The following SLC4A4 variants were observed in gnomAD, a reference collection of about 807,000 sequenced individuals.
SLC4A4 encodes solute carrier family 4 member 4.
Under a neutral mutation model 111.5 loss-of-function variants are expected in SLC4A4, and 27 were observed. That is an observed-to-expected ratio of 0.24 (90% CI 0.18 to 0.33). SLC4A4 has a LOEUF of 0.33. SLC4A4 is among the 10% of genes least tolerant of loss of function. The pLI is 1.00. For missense variants in SLC4A4, 909 were observed against 1,315.5 expected (o/e 0.69, Z 4.78); for synonymous variants, 443 against 463.4 (o/e 0.96, Z 0.57).
chr4:71,418,416 T>G (rs1315165262), intron 7 of SLC4A4, among the ~76,000 whole-genome samples: 1 of 152,226 alleles, frequency 6.6e-6, no homozygotes, highest in African/African-American at 2.4e-5. Context: ...CTTGTCTTAT[T>G]TAATGATTTT....
chr4:71,180,437 T>G (rs1234365167), intron 2 of SLC4A4, among the ~76,000 whole-genome samples: 1 of 152,126 alleles, frequency 6.6e-6, no homozygotes, highest in Non-Finnish European at 1.5e-5. Context: ...GGAGAAAATT[T>G]TTGCAACCCA....
intron 2 of SLC4A4, among the ~76,000 whole-genome samples, chr4:71,116,681 C>G (rs755856317): frequency 6.6e-6 from 1 of 152,162 alleles, no homozygotes; most frequent in African/African-American, 2.4e-5. Flanking sequence ...TGGTGGCTCA[C>G]GCCTGTAATC....
chr4:71,146,555 G>T (rs1412613346), intron 2 of SLC4A4, among the ~76,000 whole-genome samples: 1 of 152,176 alleles, frequency 6.6e-6, no homozygotes, highest in Non-Finnish European at 1.5e-5. Flanking sequence ...GGGTGTTAAA[G>T]TCTCCCATTA....
intron 18 of SLC4A4, among the ~76,000 whole-genome samples, chr4:71,536,486 A>ATATATATATATATG (rs199681803): frequency 1.6e-3 from 108 of 67,982 alleles, no homozygotes; most frequent in Non-Finnish European, 2.6e-3. Context: ...ATATATATAT[A>ATATATATATATATG]TGTATATATT....
rs570747814 is a variant in SLC4A4, at chr4:71,258,357, C to G, written c.253+2958C>G. On this transcript the variant is annotated intron_variant, in intron 3 of 25. Coordinates refer to ENST00000264485, the MANE Select transcript of SLC4A4 (RefSeq NM_001098484.3). ...TTCAGAGAGTCCTTTCCTTACTACTCTCTCTAGTGCAGATTCCCCTTCATT... is the reference window on the plus strand; with the variant it reads ...TTCAGAGAGTCCTTTCCTTACTACTGTCTCTAGTGCAGATTCCCCTTCATT... Among the ~76,000 whole-genome samples the G allele has an allele frequency of 1.6e-4, 25 of 152,320 alleles. No individual in the cohort carries two copies. In the South Asian group the frequency reaches 5.2e-3, roughly 32 times the overall value.
At chr4:71,503,390 T>C (rs1232725646) in intron 16 of SLC4A4, among the ~76,000 whole-genome samples, 2 of 152,122 alleles carry the variant, frequency 1.3e-5, no homozygotes, top group African/African-American at 2.4e-5. Flanking sequence ...CTTCATTCTT[T>C]TCTTCCTCTC....
intron 7 of SLC4A4, among the ~76,000 whole-genome samples, chr4:71,412,452 G>C (rs1721444314): frequency 6.6e-6 from 1 of 152,178 alleles, no homozygotes; most frequent in South Asian, 2.1e-4. Context: ...TTTTGCTCCA[G>C]ATATAAAATT....
chr4:71,376,417 A>T (rs1732400640), intron 6 of SLC4A4, among the ~76,000 whole-genome samples: 1 of 150,128 alleles, frequency 6.7e-6, no homozygotes, highest in Non-Finnish European at 1.5e-5. Context: ...GTTAGCCAGG[A>T]TGGTCTTGAT....
intron 7 of SLC4A4, among the ~76,000 whole-genome samples, chr4:71,406,670 G>A (rs984867077): frequency 7.4e-6 from 1 of 135,682 alleles, no homozygotes; most frequent in East Asian, 2.1e-4. Flanking sequence ...TTGCCACCAT[G>A]TTAAAAGGAC....
intron 2 of SLC4A4, among the ~76,000 whole-genome samples, chr4:71,169,413 T>C (rs1744877651): frequency 6.6e-6 from 1 of 152,150 alleles, no homozygotes; most frequent in African/African-American, 2.4e-5. Context: ...TGAGCCGATA[T>C]CTCACTGTGG....
intron 2 of SLC4A4, among the ~76,000 whole-genome samples, chr4:71,093,521 T>C (rs556568176): frequency 6.6e-6 from 1 of 152,302 alleles, no homozygotes; most frequent in East Asian, 1.9e-4. Flanking sequence ...AAATCATAAA[T>C]AGTTAGGGAT....
intron 1 of SLC4A4, among the ~76,000 whole-genome samples, chr4:71,063,163 G>T (rs1260524449): frequency 1.3e-5 from 2 of 152,092 alleles, no homozygotes; most frequent in Admixed American, 1.3e-4. Flanking sequence ...ATAGAGAAAT[G>T]GAATTTTCTA....
intron 2 of SLC4A4, among the ~76,000 whole-genome samples, chr4:71,113,946 A>G (rs1392916402): frequency 6.6e-6 from 1 of 152,202 alleles, no homozygotes; most frequent in Non-Finnish European, 1.5e-5. Context: ...AATCCAATGT[A>G]CTTTTTAAAA....
intron 18 of SLC4A4, among the ~76,000 whole-genome samples, chr4:71,537,363 CAT>C (rs1187387046): frequency 6.8e-6 from 1 of 147,294 alleles, no homozygotes; most frequent in African/African-American, 2.6e-5. Context: ...TGTATATATA[CAT>C]ATGTGTGTAT....
chr4:71,280,600 T>A (rs1200133189), intron 3 of SLC4A4, among the ~76,000 whole-genome samples: 1 of 152,154 alleles, frequency 6.6e-6, no homozygotes, highest in African/African-American at 2.4e-5. Context: ...TCATTCTTTT[T>A]CCCAGCCTGT....
intron 2 of SLC4A4, among the ~76,000 whole-genome samples, chr4:71,141,551 G>T (rs974592011): frequency 6.6e-6 from 1 of 152,056 alleles, no homozygotes; most frequent in African/African-American, 2.4e-5. Context: ...TGCCTGGCTT[G>T]CTCCCTCTCA....
chr4:71,100,297 C>A (rs114242648), intron 2 of SLC4A4, among the ~76,000 whole-genome samples: 477 of 151,864 alleles, frequency 3.1e-3, no homozygotes, highest in Non-Finnish European at 5.1e-3. Flanking sequence ...ATTGGGTCAA[C>A]ATACACAAAT....
intron 1 of SLC4A4, among the ~76,000 whole-genome samples, chr4:71,080,991 T>G (rs1417241570): frequency 6.6e-6 from 1 of 152,118 alleles, no homozygotes; most frequent in Non-Finnish European, 1.5e-5. Context: ...CTTCCTTTAC[T>G]AAAACTCCTC....
intron 1 of SLC4A4, among the ~76,000 whole-genome samples, chr4:71,195,805 A>C (rs1745974411): frequency 6.6e-6 from 1 of 152,248 alleles, no homozygotes; most frequent in Admixed American, 6.5e-5. Flanking sequence ...TGACAATTAA[A>C]CTATCTAAAC....
Sources: allele counts gnomAD v4.1 joint callset (sites outside exome capture counted in the v4.1 genomes callset), GRCh38; gene constraint gnomAD v4.1.1; transcripts MANE v1.5; gene names NCBI Gene and HGNC (gene_info 2026-07-23, HGNC 2026-07-21).